Variants in LARGE1 observed in about 807,000 individuals in gnomAD.
LARGE1 encodes xylosyl- and glucuronyltransferase LARGE1.
Under a neutral mutation model 87.6 loss-of-function variants are expected in LARGE1, and 43 were observed. The ratio of observed to expected loss-of-function variants is 0.49; its 90% confidence interval spans 0.38 to 0.63. The LOEUF is 0.63. Among genes scored for constraint, LARGE1 ranks in the 30% least tolerant of loss-of-function variants. LARGE1 has a pLI of 0.00. For missense variants in LARGE1, 802 were observed against 1,000.2 expected (o/e 0.80, Z 2.67); for synonymous variants, 434 against 394.6 (o/e 1.10, Z -1.18).
At chr22:33,718,905 C>G (rs180743434) in intron 2 of LARGE1, among the ~76,000 whole-genome samples, 2 of 152,200 alleles carry the variant, frequency 1.3e-5, no homozygotes, top group South Asian at 4.1e-4. Flanking sequence ...ATTCTCCTGC[C>G]TCAGCCTCCC....
intron 10 of LARGE1, among the ~76,000 whole-genome samples, chr22:33,327,991 G>T (rs199527874): frequency 6.7e-6 from 1 of 149,862 alleles, no homozygotes; most frequent in South Asian, 2.1e-4. Context: ...ATGTACTGAT[G>T]AATAAAACAG....
chr22:33,730,215 T>C (rs1601447915), intron 2 of LARGE1, among the ~76,000 whole-genome samples: 2 of 152,182 alleles, frequency 1.3e-5, no homozygotes, highest in South Asian at 2.1e-4. Flanking sequence ...ACTTAATACA[T>C]AGTAAATATA....
chr22:33,504,899 G>A (rs554815727), intron 6 of LARGE1, among the ~76,000 whole-genome samples: 6 of 152,280 alleles, frequency 3.9e-5, no homozygotes, highest in South Asian at 4.1e-4. Flanking sequence ...AATCATATTC[G>A]CAGGCAAGCA....
At chr22:33,401,012 C>T (rs977945169) in intron 7 of LARGE1, among the ~76,000 whole-genome samples, 2 of 152,034 alleles carry the variant, frequency 1.3e-5, no homozygotes, top group African/African-American at 4.8e-5. Context: ...GGTTCCTGAT[C>T]GGAAGCTTTG....
chr22:33,169,007 T>C (rs1041897938), intron 11 of LARGE1, among the ~76,000 whole-genome samples: 30 of 152,208 alleles, frequency 2.0e-4, no homozygotes, highest in South Asian at 4.1e-4. Context: ...AATAGCACAC[T>C]GATGATTGTC....
At chr22:33,687,451 C>T (rs1410602679) in intron 2 of LARGE1, among the ~76,000 whole-genome samples, 1 of 151,482 alleles carries the variant, frequency 6.6e-6, no homozygotes, top group East Asian at 1.9e-4. Context: ...ATTTCTCTTA[C>T]TGGAAACTAA....
At chr22:33,717,846 A>C (rs1215717157) in intron 2 of LARGE1, among the ~76,000 whole-genome samples, 1 of 152,198 alleles carries the variant, frequency 6.6e-6, no homozygotes, top group Non-Finnish European at 1.5e-5. Context: ...CTTTGTCCCC[A>C]TGAGCCAGAG....
intron 1 of LARGE1, among the ~76,000 whole-genome samples, chr22:33,911,887 T>C (rs2267317): frequency 0.3 from 45,390 of 152,070 alleles, 7,403 homozygotes; most frequent in East Asian, 0.44. Context: ...CTCAAGTCTA[T>C]CTCATCACCA....
At chr22:33,445,410 A>C (rs1018816383) in intron 6 of LARGE1, among the ~76,000 whole-genome samples, 1 of 152,218 alleles carries the variant, frequency 6.6e-6, no homozygotes, top group African/African-American at 2.4e-5. Flanking sequence ...AAGTTAGCCA[A>C]AAAGGTTGCT....
chr22:33,083,098 C>G, the LARGE1 span, among the ~76,000 whole-genome samples: 16 of 152,238 alleles, frequency 1.1e-4, no homozygotes, highest in African/African-American at 3.6e-4. Flanking sequence ...TTTCTAATAT[C>G]AAAACACTGT....
chr22:33,714,937 G>C (rs2082866278), intron 2 of LARGE1, among the ~76,000 whole-genome samples: 1 of 152,154 alleles, frequency 6.6e-6, no homozygotes, highest in East Asian at 1.9e-4. Context: ...ATATCCTTTG[G>C]AGGCATGCTG....
intron 1 of LARGE1, among the ~76,000 whole-genome samples, chr22:33,882,106 G>A (rs1223967982): frequency 1.3e-4 from 19 of 147,528 alleles, no homozygotes; most frequent in Non-Finnish European, 2.1e-4. Context: ...GCAGTGGCAC[G>A]ATCTCGGCTC....
chr22:33,561,001 A>T (rs1267451740), intron 6 of LARGE1, among the ~76,000 whole-genome samples: 1 of 152,040 alleles, frequency 6.6e-6, no homozygotes, highest in Non-Finnish European at 1.5e-5. Context: ...TTTTTAGTAG[A>T]AATGGGGTTT....
intron 5 of LARGE1, among the ~76,000 whole-genome samples, chr22:33,599,905 T>A (rs983339292): frequency 2.0e-5 from 3 of 152,168 alleles, no homozygotes; most frequent in African/African-American, 7.2e-5. Context: ...GGATGGTGTT[T>A]TAATGTGTTT....
intron 8 of LARGE1, among the ~76,000 whole-genome samples, chr22:33,383,985 G>A (rs1192389646): frequency 6.6e-6 from 1 of 152,212 alleles, no homozygotes; most frequent in Non-Finnish European, 1.5e-5. Flanking sequence ...GTGAAAGTCT[G>A]CCGAATGAAC....
At chr22:33,872,015 T>G (rs574518831) in intron 1 of LARGE1, among the ~76,000 whole-genome samples, 84 of 133,076 alleles carry the variant, frequency 6.3e-4, no homozygotes, top group Non-Finnish European at 1.0e-3. Context: ...AAAACAATAT[T>G]GGGGAAAGGA....
chr22:33,560,288 A>C (rs1450448997), intron 6 of LARGE1, among the ~76,000 whole-genome samples: 1 of 152,206 alleles, frequency 6.6e-6, no homozygotes, highest in East Asian at 1.9e-4. Context: ...GTGCTTAAAC[A>C]TGTTAGTTGT....
rs554736101 is a variant in LARGE1 at position 33,797,551 on chromosome 22, G to A, written c.-82-35993C>T. ...GATGGAGGAGCCAACGGTGGTTGGA[G>A]GCAGAGGAGAAGCACATGGAAGAGG... On this transcript the variant is annotated intron_variant, in intron 1 of 14. Coordinates refer to ENST00000397394, the MANE Select transcript of LARGE1 (RefSeq NM_133642.5). 6.7e-4 allele frequency among the ~76,000 whole-genome samples: 102 copies of A among 152,308 alleles called. No homozygotes were observed. In the Middle Eastern group the frequency reaches 0.01, roughly 15 times the overall value.
intron 7 of LARGE1, among the ~76,000 whole-genome samples, chr22:33,425,372 G>A (rs1262242484): frequency 6.6e-6 from 1 of 152,186 alleles, no homozygotes; most frequent in Non-Finnish European, 1.5e-5. Flanking sequence ...AAGAAAGTAA[G>A]TCCTCACCAC....
Sources: gnomAD v4.1 joint callset for allele counts (sites outside exome capture counted in the v4.1 genomes callset) on GRCh38, gnomAD v4.1.1 for gene constraint, MANE v1.5 for transcripts, NCBI Gene and HGNC (gene_info 2026-07-23, HGNC 2026-07-21) for gene names.